Variants in NRG3 observed in about 807,000 individuals in gnomAD.
NRG3 encodes the protein pro-neuregulin-3, membrane-bound isoform.
NRG3 carries 31 observed loss-of-function variants against 66.9 expected under a neutral mutation model. The ratio of observed to expected loss-of-function variants is 0.46; its 90% confidence interval spans 0.35 to 0.63. The LOEUF (loss-of-function observed/expected upper bound fraction) is 0.63. Among genes scored for constraint, NRG3 ranks in the 20% least tolerant of loss-of-function variants. The probability of loss-of-function intolerance (pLI) is 0.00; values close to 1 mark genes in which losing one functional copy is unlikely to be tolerated. For synonymous variants in NRG3, 393 were observed against 359.4 expected (o/e 1.09, Z -1.06); for missense variants, 910 against 878.9 (o/e 1.04, Z -0.45).
In NRG3 at chr10:82,141,173, T is replaced by G. The variant is rs535711103; in HGVS notation, c.824-217566T>G. Among the ~76,000 whole-genome samples, 462 of 152,290 alleles carry G rather than the reference T, an allele frequency of 3.0e-3. 2 individuals carry two copies. Among genetic ancestry groups the G allele is most frequent in the African/African-American group, 0.011 (445 of 41,572 alleles). ...TTCATATAGGTAGACATTACTGTATTTCTATCATAGGGTTATGTGTGTACA... is the reference window on the plus strand; with the variant it reads ...TTCATATAGGTAGACATTACTGTATGTCTATCATAGGGTTATGTGTGTACA... On this transcript the variant is annotated intron_variant, in intron 1 of 8. Transcript: ENST00000372141.
At chr10:82,782,239 T>C (rs1345422086) in intron 3 of NRG3, among the ~76,000 whole-genome samples, 1 of 152,164 alleles carries the variant, frequency 6.6e-6, no homozygotes, top group African/African-American at 2.4e-5. Context: ...TTAATGCAGT[T>C]ATCAAGGGAT....
At chr10:82,038,838 T>C (rs193180989) in intron 1 of NRG3, among the ~76,000 whole-genome samples, 1 of 152,184 alleles carries the variant, frequency 6.6e-6, no homozygotes, top group East Asian at 1.9e-4. Flanking sequence ...GTTTCTGTCA[T>C]CCTCTTTTCC....
chr10:82,566,991 C>A (rs1218119776), intron 2 of NRG3, among the ~76,000 whole-genome samples: 1 of 151,856 alleles, frequency 6.6e-6, no homozygotes, highest in African/African-American at 2.4e-5. Context: ...TCTGGTGACT[C>A]TTCACAGCAA....
chr10:82,217,068 CT>C (rs2075727731), intron 1 of NRG3, among the ~76,000 whole-genome samples: 1 of 152,192 alleles, frequency 6.6e-6, no homozygotes, highest in African/African-American at 2.4e-5. Flanking sequence ...ATTAGCATGA[CT>C]TTTTTTCAAT....
intron 4 of NRG3, among the ~76,000 whole-genome samples, chr10:82,877,158 G>A (rs1377781763): frequency 6.6e-6 from 1 of 152,118 alleles, no homozygotes; most frequent in Non-Finnish European, 1.5e-5. Flanking sequence ...GGGGAAGAAA[G>A]GACAATGATG....
intron 1 of NRG3, among the ~76,000 whole-genome samples, chr10:82,269,973 C>G (rs1157131503): frequency 6.6e-6 from 1 of 152,108 alleles, no homozygotes; most frequent in Non-Finnish European, 1.5e-5. Context: ...CTCTCTGATT[C>G]CTCTTCTGTA....
chr10:82,645,431 C>A (rs1452407926), intron 2 of NRG3, among the ~76,000 whole-genome samples: 3 of 152,292 alleles, frequency 2.0e-5, no homozygotes, highest in East Asian at 3.9e-4. Context: ...AATTGCCCCA[C>A]CCATATGGTC....
chr10:82,335,023 A>G (rs1182900811), intron 1 of NRG3, among the ~76,000 whole-genome samples: 1 of 152,180 alleles, frequency 6.6e-6, no homozygotes, highest in Non-Finnish European at 1.5e-5. Flanking sequence ...CTTACATTTC[A>G]TCCTCCGTGG....
intron 2 of NRG3, among the ~76,000 whole-genome samples, chr10:82,487,747 T>C (rs1842798984): frequency 6.6e-6 from 1 of 152,240 alleles, no homozygotes; most frequent in African/African-American, 2.4e-5. Context: ...AGATCAGATA[T>C]AGAAACACAG....
chr10:81,926,851 G>GT (rs1846844010), intron 1 of NRG3, among the ~76,000 whole-genome samples: 1 of 152,164 alleles, frequency 6.6e-6, no homozygotes, highest in Non-Finnish European at 1.5e-5. Context: ...CTTGGGCAAG[G>GT]TTTTAACTAC....
intron 2 of NRG3, among the ~76,000 whole-genome samples, chr10:82,458,232 A>C (rs916340668): frequency 3.3e-5 from 5 of 152,244 alleles, no homozygotes; most frequent in African/African-American, 1.2e-4. Flanking sequence ...AGCTGGACAA[A>C]GAAAATGGGT....
intron 1 of NRG3, among the ~76,000 whole-genome samples, chr10:82,058,032 C>T (rs547008854): frequency 1.3e-3 from 202 of 151,208 alleles, no homozygotes; most frequent in Admixed American, 2.9e-3. Flanking sequence ...CCTGTGACTA[C>T]AGTCGTGCAT....
At chr10:82,911,485 T>G (rs1845315673) in intron 4 of NRG3, among the ~76,000 whole-genome samples, 2 of 151,896 alleles carry the variant, frequency 1.3e-5, no homozygotes, top group South Asian at 4.1e-4. Context: ...ATTATGTCTT[T>G]TAAGGCATTG....
intron 3 of NRG3, among the ~76,000 whole-genome samples, chr10:82,837,378 C>T (rs2062834442): frequency 6.6e-6 from 1 of 152,062 alleles, no homozygotes; most frequent in African/African-American, 2.4e-5. Flanking sequence ...TAGCCTCTTA[C>T]CCATTGGCTT....
At chr10:81,950,288 A>G (rs1849231388) in intron 1 of NRG3, among the ~76,000 whole-genome samples, 1 of 152,178 alleles carries the variant, frequency 6.6e-6, no homozygotes, top group Non-Finnish European at 1.5e-5. Flanking sequence ...GTTTCAGGGG[A>G]TATAGCTCAC....
chr10:81,995,406 A>C (rs1175437458), intron 1 of NRG3, among the ~76,000 whole-genome samples: 1 of 152,120 alleles, frequency 6.6e-6, no homozygotes, highest in South Asian at 2.1e-4. Context: ...GGTTTCATGC[A>C]TGTTGTGGCC....
Position 82,467,325 on chromosome 10 carries a change from G to T in NRG3, c.953+108457G>T, listed in dbSNP as rs1452114128. Among the ~76,000 whole-genome samples, 3 of 152,170 alleles carry T rather than the reference G, an allele frequency of 2.0e-5. No individual in the cohort carries two copies. The South Asian group carries it at 6.2e-4, about 31-fold the overall frequency. On this transcript the variant is annotated intron_variant, in intron 2 of 8. Transcript: ENST00000372141. ...TTGCCCTTATCCAAAAAGGTAGCAG[G>T]CTCTGGGCTTCCTGGCCTGCAATAC...
chr10:82,215,679 A>G (rs531802790), intron 1 of NRG3, among the ~76,000 whole-genome samples: 1 of 148,270 alleles, frequency 6.7e-6, no homozygotes, highest in South Asian at 2.2e-4. Flanking sequence ...TGTATCACAC[A>G]GGCAGACTTC....
chr10:82,978,298 G>A (rs1010749432), intron 7 of NRG3, among the ~76,000 whole-genome samples: 3 of 152,068 alleles, frequency 2.0e-5, no homozygotes, highest in African/African-American at 4.8e-5. Context: ...CTCATTGATG[G>A]CATCTATAAA....
Sources: allele counts gnomAD v4.1 joint callset (sites outside exome capture counted in the v4.1 genomes callset), GRCh38; gene constraint gnomAD v4.1.1; transcripts MANE v1.5; gene names NCBI Gene and HGNC (gene_info 2026-07-23, HGNC 2026-07-21).